The following CALR variants were observed in gnomAD, a reference collection of about 807,000 sequenced individuals.
CALR encodes the protein CRP55.
CALR carries 15 observed loss-of-function variants against 51.1 expected under a neutral mutation model. The ratio of observed to expected loss-of-function variants is 0.29; its 90% CI spans 0.20 to 0.45. The LOEUF (loss-of-function observed/expected upper bound fraction) is 0.45. Ranked by LOEUF, CALR falls within the 20% of genes least tolerant of loss-of-function variation. The probability of loss-of-function intolerance (pLI) is 1.00; values close to 1 mark genes in which losing one functional copy is unlikely to be tolerated. For missense variants in CALR, 477 were observed against 530.6 expected, an observed-to-expected ratio of 0.90 and a Z score of 0.99; for synonymous variants, 239 against 205.9, an observed-to-expected ratio of 1.16 and a Z score of -1.38.
chr19:12,940,534 C>T lies in CALR; in HGVS notation c.703-7C>T. 5 of 1,613,682 alleles carry T rather than the reference C, an allele frequency of 3.1e-6. No homozygotes were observed. The highest frequency in any genetic ancestry group is 4.2e-6 in the Non-Finnish European group (5 of 1,179,618). On this transcript the variant is annotated splice_polypyrimidine_tract_variant and splice_region_variant and intron_variant, in intron 5 of 8. Coordinates refer to ENST00000316448, the MANE Select transcript of CALR (RefSeq NM_004343.4). ...GGCCAACTCTGATCTCTTCATCTAC[C>T]CCCCAGGACTGGGACAAGCCCGAGC...
At chr19:12,939,901 A>G in intron 3 of CALR, 152 bp from the exon 4 acceptor site, 2 of 721,244 alleles carry the variant, frequency 2.8e-6, no homozygotes, top group Non-Finnish European at 4.9e-6. Flanking sequence ...CTCCACCCAC[A>G]GCCCATTCAG....
intron 7 of CALR, among the ~76,000 whole-genome samples, chr19:12,941,772 C>T (rs1048875818): frequency 6.6e-6 from 1 of 151,782 alleles, no homozygotes; most frequent in Non-Finnish European, 1.5e-5. Context: ...CGTGAGCCAC[C>T]TCACCCAGCC....
chr19:12,939,640 CTG>C lies in CALR; in HGVS notation c.397+10_397+11del. 1 of 1,609,910 alleles carries C rather than the reference CTG, an allele frequency of 6.2e-7. No homozygotes were observed. Among genetic ancestry groups the C allele is most frequent in the African/African-American group, 1.3e-5 (1 of 74,932 alleles). ...ATACAACATCATGTTTGGTGAGGGC[CTG>C]CTTCCTGGTGCTGATCTCTGTCCCA... On this transcript the variant is annotated intron_variant, in intron 3 of 8. Transcript: ENST00000316448.
chr19:12,939,108 A>C, intron 1 of CALR, 26 bp from the exon 2 acceptor site: 1 of 1,401,416 alleles, frequency 7.1e-7, no homozygotes, highest in Non-Finnish European at 1.0e-6. Context: ...AGCCGCTCTG[A>C]CCTACCCCTC....
chr19:12,939,316 G>C lies in CALR; in HGVS notation c.193+81G>C, dbSNP rs1971512165. ...TGTCTGTACACACACAGCCGGGACA[G>C]TCCCCTTGGAGGAGGACAGGTGGAG... On this transcript the variant is annotated intron_variant, in intron 2 of 8. Transcript: ENST00000316448. 2.1e-6 allele frequency: 3 copies of C among 1,439,040 alleles called. No homozygotes were observed. The Admixed American group carries it at 5.5e-5, about 26-fold the overall frequency. The allele number at this position is 1,439,040 out of a possible 1,614,324, so 89.1% of individuals were successfully genotyped here.
intron 1 of CALR, 133 bp from the exon 2 acceptor site, chr19:12,939,001 A>T (rs1971506143): frequency 1.4e-6 from 1 of 728,556 alleles, no homozygotes; most frequent in African/African-American, 1.7e-5. Context: ...CGACGTGTCA[A>T]ACTAGAGGTT....
chr19:12,939,664 C>G (rs749793760), intron 3 of CALR, 33 bp downstream of exon 3: 1 of 1,572,876 alleles, frequency 6.4e-7, no homozygotes, highest in South Asian at 1.1e-5. Context: ...TGATCTCTGT[C>G]CCATTAGTTA....
chr19:12,942,351 ACT>A (rs1019918279), intron 7 of CALR, among the ~76,000 whole-genome samples: 5 of 142,772 alleles, frequency 3.5e-5, no homozygotes, highest in African/African-American at 7.7e-5. Context: ...TGATAGCGAG[ACT>A]CTGTCCCAAA....
chr19:12,942,347 C>T (rs1470369585), intron 7 of CALR, among the ~76,000 whole-genome samples: 2 of 144,830 alleles, frequency 1.4e-5, no homozygotes, highest in African/African-American at 2.5e-5. Context: ...TGGGTGATAG[C>T]GAGACTCTGT....
At chr19:12,941,380 C>CCGTCT (rs1199278324) in intron 7 of CALR, among the ~76,000 whole-genome samples, 1 of 152,050 alleles carries the variant, frequency 6.6e-6, no homozygotes, top group East Asian at 1.9e-4. Flanking sequence ...ACTGCGCCCT[C>CCGTCT]CGTCTCCTGG....
At chr19:12,939,696 G>C (rs778288792) in intron 3 of CALR, 65 bp downstream of exon 3, 5 of 1,388,734 alleles carry the variant, frequency 3.6e-6, no homozygotes, top group Non-Finnish European at 5.1e-6. Context: ...AGACCCCATT[G>C]ACTTTCTTAA....
intron 7 of CALR, among the ~76,000 whole-genome samples, chr19:12,941,847 G>T (rs939746506): frequency 1.3e-5 from 2 of 150,982 alleles, no homozygotes; most frequent in African/African-American, 4.9e-5. Flanking sequence ...CAGGTCATCT[G>T]CCCGCCTCGG....
chr19:12,940,845 T>C lies in CALR; in HGVS notation c.918T>C (p.Tyr306=). 2.5e-6 allele frequency: 4 copies of C among 1,614,126 alleles called. No homozygotes were observed. Among genetic ancestry groups the C allele is most frequent in the Non-Finnish European group, 3.4e-6 (4 of 1,179,976 alleles). ...AGTATTCTCCCGATCCCAGTATCTA[T>C]GCCTATGATAACTTTGGCGTGCTGG... ...NPEYSPDPSI[Y]AYDNFGVLGL... Residue 306 remains tyrosine, a synonymous_variant, in exon 7 of 9, where the codon TAT becomes TAC. Transcript: ENST00000316448.
At chr19:12,938,872 G>A (rs1280289121) in intron 1 of CALR, 102 bp downstream of exon 1, 1 of 961,424 alleles carries the variant, frequency 1.0e-6, no homozygotes, top group African/African-American at 1.6e-5. Flanking sequence ...GTCCAACACG[G>A]TGGCCTCCCG....
intron 2 of CALR, 81 bp from the exon 3 acceptor site, chr19:12,939,347 G>A (rs1469750367): frequency 6.8e-7 from 1 of 1,480,890 alleles, no homozygotes; most frequent in Non-Finnish European, 9.4e-7. Flanking sequence ...TGGAGGAAGT[G>A]GGGGAGTCTT....
intron 7 of CALR, among the ~76,000 whole-genome samples, chr19:12,942,466 C>T (rs887471922): frequency 6.6e-6 from 1 of 152,048 alleles, no homozygotes; most frequent in South Asian, 2.1e-4. Flanking sequence ...TGAAAAATAC[C>T]TGAATAAGAG....
rs777358098 is a variant in CALR, at chr19:12,938,687, T to G, written c.8T>G (p.Leu3Arg). 1 of 1,610,268 alleles carries G rather than the reference T, an allele frequency of 6.2e-7. No homozygotes were observed. The highest frequency in any genetic ancestry group is 8.5e-7 in the Non-Finnish European group (1 of 1,178,822). Residue 3 changes from leucine to arginine, a missense_variant, in exon 1 of 9, where the codon CTA becomes CGA. Leu to Arg is a moderately radical substitution (Grantham distance 102, BLOSUM62 -2). Transcript: ENST00000316448. Reference protein sequence around the residue: MLLSVPLLLGLLG... With the variant: MLRSVPLLLGLLG... The stretch of plus-strand genomic sequence containing the variant: ...CCGCCCCCTCGGCCCGCCATGCTGC[T>G]ATCCGTGCCGCTGCTGCTCGGCCTC...
At chr19:12,942,039 G>C (rs115933933) in intron 7 of CALR, among the ~76,000 whole-genome samples, 1,793 of 152,132 alleles carry the variant, frequency 0.012, 37 homozygotes, top group African/African-American at 0.041. Flanking sequence ...CTCCAGCCTC[G>C]GTGACAGAGT....
In CALR at chr19:12,940,610, G is replaced by C; in HGVS notation, c.772G>C (p.Asp258His). ...KKPEDWDEEM[D>H]GEWEPPVIQN... ...GCCCGAGGACTGGGATGAAGAGATG[G>C]ACGGAGAGTGGGAACCCCCAGTGAT... is the stretch of plus-strand genomic sequence containing the variant. Residue 258 changes from aspartate to histidine, a missense_variant, in exon 6 of 9, where the codon GAC (aspartate) becomes CAC (histidine). Physicochemically the swap from Asp to His is moderately conservative, Grantham distance 81 (BLOSUM62 -1). Coordinates refer to ENST00000316448, the MANE Select transcript of CALR (RefSeq NM_004343.4). 1 of 1,614,202 alleles carries C rather than the reference G, an allele frequency of 6.2e-7. No individual in the cohort carries two copies. The highest frequency in any genetic ancestry group is 8.5e-7 in the Non-Finnish European group (1 of 1,180,036).
Sources: allele counts gnomAD v4.1 joint callset (sites outside exome capture counted in the v4.1 genomes callset), GRCh38; gene constraint gnomAD v4.1.1; transcripts MANE v1.5; gene names NCBI Gene and HGNC (gene_info 2026-07-23, HGNC 2026-07-21).